ARB2A: variants seen among roughly 807,000 people sequenced by gnomAD.
The protein encoded by ARB2A is cotranscriptional regulator ARB2A.
At chr5:94,040,058 T>G in the ARB2A span, among the ~76,000 whole-genome samples, 1 of 152,090 alleles carries the variant, frequency 6.6e-6, no homozygotes, top group Non-Finnish European at 1.5e-5. Flanking sequence ...GGACCAACTT[T>G]GGGTTAGAGG....
the ARB2A span, among the ~76,000 whole-genome samples, chr5:94,067,289 G>A: frequency 6.6e-6 from 1 of 152,112 alleles, no homozygotes; most frequent in Non-Finnish European, 1.5e-5. Flanking sequence ...ACAACACAAG[G>A]ATGCCCACTT....
the ARB2A span, among the ~76,000 whole-genome samples, chr5:94,027,345 C>T: frequency 1.3e-5 from 2 of 152,240 alleles, no homozygotes; most frequent in East Asian, 1.9e-4. Flanking sequence ...GGCCAGTCAC[C>T]AGAAAGACAA....
At chr5:94,029,303 T>G in the ARB2A span, among the ~76,000 whole-genome samples, 3 of 152,212 alleles carry the variant, frequency 2.0e-5, no homozygotes, top group Admixed American at 1.3e-4. Flanking sequence ...GCATTTGGTC[T>G]TCATATCTCC....
At chr5:93,772,197 A>C in the ARB2A span, among the ~76,000 whole-genome samples, 1 of 152,184 alleles carries the variant, frequency 6.6e-6, no homozygotes, top group Non-Finnish European at 1.5e-5. Context: ...TCAGTAAACT[A>C]TCGCAAGAAC....
chr5:93,950,340 A>G, the ARB2A span, among the ~76,000 whole-genome samples: 1 of 152,186 alleles, frequency 6.6e-6, no homozygotes, highest in Non-Finnish European at 1.5e-5. Context: ...CCAACAGTGT[A>G]CAAAGGTTTC....
chr5:93,790,701 G>A, the ARB2A span, among the ~76,000 whole-genome samples: 2 of 152,130 alleles, frequency 1.3e-5, no homozygotes, highest in Admixed American at 6.6e-5. Context: ...GCCACGCTGG[G>A]GGAAAGAGTC....
the ARB2A span, among the ~76,000 whole-genome samples, chr5:93,747,944 C>T: frequency 6.6e-6 from 1 of 152,134 alleles, no homozygotes; most frequent in African/African-American, 2.4e-5. Flanking sequence ...AAAGTGTATA[C>T]AGTGAAAATG....
At chr5:93,873,443 AGGAAAG>A in the ARB2A span, among the ~76,000 whole-genome samples, 1,509 of 150,638 alleles carry the variant, frequency 0.01, 50 homozygotes, top group African/African-American at 0.035. Flanking sequence ...GGAAAGGGAA[AGGAAAG>A]GAAAAGGAAA....
At chr5:94,106,886 A>AC in the ARB2A span, among the ~76,000 whole-genome samples, 1 of 151,084 alleles carries the variant, frequency 6.6e-6, no homozygotes, top group South Asian at 2.1e-4. Context: ...AAAAAAAAAA[A>AC]AAAAAACAAA....
At chr5:93,958,060 C>T in the ARB2A span, among the ~76,000 whole-genome samples, 2 of 151,752 alleles carry the variant, frequency 1.3e-5, no homozygotes, top group East Asian at 3.9e-4. Context: ...AATAGTAAAA[C>T]AAAAGCAGTC....
the ARB2A span, among the ~76,000 whole-genome samples, chr5:93,711,960 A>C: frequency 3.5e-4 from 54 of 152,340 alleles, 2 homozygotes; most frequent in East Asian, 7.7e-3. Flanking sequence ...GAAATTCAAC[A>C]GGGAGATTCT....
At chr5:93,781,776 A>T in the ARB2A span, 2 of 478,372 alleles carry the variant, frequency 4.2e-6, no homozygotes, top group Non-Finnish European at 5.4e-6. Flanking sequence ...TCTGATGATT[A>T]GTGATGTCGA....
the ARB2A span, among the ~76,000 whole-genome samples, chr5:93,639,224 G>A: frequency 2.0e-5 from 3 of 152,148 alleles, no homozygotes; most frequent in Admixed American, 6.5e-5. Context: ...CTGACTACTG[G>A]TCATGAAAGT....
chr5:93,687,784 A>T, the ARB2A span, among the ~76,000 whole-genome samples: 2 of 151,814 alleles, frequency 1.3e-5, no homozygotes, highest in Non-Finnish European at 2.9e-5. Flanking sequence ...CATCACTTGA[A>T]TTTTTTTTAG....
the ARB2A span, chr5:93,964,379 T>C: frequency 9.1e-7 from 1 of 1,102,602 alleles, no homozygotes; most frequent in South Asian, 1.5e-5. Context: ...AAACAAAAGT[T>C]TTCTTCTGAA....
chr5:93,841,964 AC>A, the ARB2A span, among the ~76,000 whole-genome samples: 2 of 152,220 alleles, frequency 1.3e-5, no homozygotes, highest in Non-Finnish European at 2.9e-5. Context: ...TATAAGAGGG[AC>A]ACTGAACCTA....
chr5:93,646,646 G>T, the ARB2A span, among the ~76,000 whole-genome samples: 1 of 151,400 alleles, frequency 6.6e-6, no homozygotes, highest in South Asian at 2.1e-4. Context: ...CAAACATAAA[G>T]ATTTTCTTCT....
At chr5:93,779,120 T>TGC in the ARB2A span, among the ~76,000 whole-genome samples, 50 of 147,874 alleles carry the variant, frequency 3.4e-4, no homozygotes, top group African/African-American at 1.2e-3. Flanking sequence ...TGTGTGTGTG[T>TGC]GTGTGCGCGC....
chr5:93,682,359 T>C, the ARB2A span, among the ~76,000 whole-genome samples: 1 of 152,118 alleles, frequency 6.6e-6, no homozygotes, highest in Non-Finnish European at 1.5e-5. Flanking sequence ...TGGATAAAAT[T>C]TAACTTCAGA....
Sources: gnomAD v4.1 joint callset for allele counts (sites outside exome capture counted in the v4.1 genomes callset) on GRCh38, gnomAD v4.1.1 for gene constraint, MANE v1.5 for transcripts, NCBI Gene and HGNC (gene_info 2026-07-23, HGNC 2026-07-21) for gene names.